MAP2K5: variants seen among roughly 807,000 people sequenced by gnomAD.
The protein encoded by MAP2K5 is mitogen-activated protein kinase kinase 5.
In MAP2K5, 49 loss-of-function variants were observed where a neutral mutation model predicts 83.1. The observed-to-expected ratio is 0.59, with a 90% CI of 0.47 to 0.75. The LOEUF is 0.75. Ranked by LOEUF, MAP2K5 falls within the 30% of genes least tolerant of loss-of-function variation. The pLI is 0.00. For synonymous variants in MAP2K5, 202 were observed against 191.8 expected, an observed-to-expected ratio of 1.05 and a Z score of -0.44; for missense variants, 457 against 557.5, an observed-to-expected ratio of 0.82 and a Z score of 1.82.
rs894737917 is a variant in MAP2K5 at position 67,644,382 on chromosome 15, G to A, written c.586-1849G>A. ...ACACTCCAGCCTGGGTGACAGGGCA[G>A]GACTCCATCTCTAAATAAATAAATA... On this transcript the variant is annotated intron_variant, in intron 9 of 21. Coordinates refer to ENST00000178640, the MANE Select transcript of MAP2K5 (RefSeq NM_145160.3). This position sits in a 1 kb window ranked among gnomAD's most constrained non-coding sequence, Gnocchi z 4.6. Among the ~76,000 whole-genome samples, 2 of 151,784 alleles carry A rather than the reference G, an allele frequency of 1.3e-5. No homozygotes were observed. Among genetic ancestry groups the A allele is most frequent in the African/African-American group, 4.8e-5 (2 of 41,296 alleles).
intron 4 of MAP2K5, among the ~76,000 whole-genome samples, chr15:67,581,744 G>A (rs1323912435): frequency 6.6e-6 from 1 of 152,182 alleles, no homozygotes; most frequent in East Asian, 1.9e-4. Flanking sequence ...CAATTAACCA[G>A]TAGGCTCCTA....
At chr15:67,709,146 TCCTGTGGA>T (rs1832169415) in intron 16 of MAP2K5, among the ~76,000 whole-genome samples, 1 of 152,216 alleles carries the variant, frequency 6.6e-6, no homozygotes, top group Admixed American at 6.5e-5. Context: ...GTAGTTCCCC[TCCTGTGGA>T]TTAGTTATGG....
At position 67,668,118 on chromosome 15, in the gene MAP2K5, C is replaced by T. The variant is rs1480774419; in HGVS notation, c.847+3473C>T. ...TCAGGTGTTACTATTGTTTATTTTG[C>T]TCTTTTTAAGATTTGGTTGAGATAT... On this transcript the variant is annotated intron_variant, in intron 13 of 21. Coordinates refer to ENST00000178640, the MANE Select transcript of MAP2K5 (RefSeq NM_145160.3). The surrounding 1 kb of genome is among the most constrained non-coding windows in gnomAD (Gnocchi z 4.0). Among the ~76,000 whole-genome samples the T allele has an allele frequency of 6.6e-6, 1 of 152,102 alleles. No individual in the cohort carries two copies. The highest frequency in any genetic ancestry group is 1.5e-5 in the Non-Finnish European group (1 of 68,022).
intron 13 of MAP2K5, among the ~76,000 whole-genome samples, chr15:67,691,991 T>G (rs1449531634): frequency 6.6e-6 from 1 of 152,218 alleles, no homozygotes; most frequent in Non-Finnish European, 1.5e-5. Context: ...CTCATCGGTT[T>G]CATTCAAATA....
Position 67,677,333 on chromosome 15 carries a change from G to T in MAP2K5, c.847+12688G>T, listed in dbSNP as rs1268491709. Reference sequence around the variant, plus strand: ...TCAATTTCCTCCTCTGTAAAATGGGGTTAATAATAGTACCTATCTCAAGGG... The same window carrying T: ...TCAATTTCCTCCTCTGTAAAATGGGTTTAATAATAGTACCTATCTCAAGGG... On this transcript the variant is annotated intron_variant, in intron 13 of 21. Coordinates refer to ENST00000178640, the MANE Select transcript of MAP2K5 (RefSeq NM_145160.3). This position sits in a 1 kb window ranked among gnomAD's most constrained non-coding sequence, Gnocchi z 4.2. Among the ~76,000 whole-genome samples the T allele has an allele frequency of 6.6e-6, 1 of 152,146 alleles. No individual in the cohort carries two copies. Among genetic ancestry groups the T allele is most frequent in the Non-Finnish European group, 1.5e-5 (1 of 68,028 alleles).
chr15:67,723,516 G>A (rs746031433), intron 16 of MAP2K5, among the ~76,000 whole-genome samples: 9 of 152,050 alleles, frequency 5.9e-5, no homozygotes, highest in African/African-American at 1.7e-4. Flanking sequence ...TAAACGTCCC[G>A]CAAGAGAGTC....
At chr15:67,575,921 T>TTCTTTTTTTCTTTC (rs1555527930) in intron 3 of MAP2K5, among the ~76,000 whole-genome samples, 1 of 91,396 alleles carries the variant, frequency 1.1e-5, no homozygotes, top group African/African-American at 4.4e-5. Flanking sequence ...TCTTTCTTTT[T>TTCTTTTTTTCTTTC]TTTTTTTTTT....
intron 8 of MAP2K5, chr15:67,629,122 G>A (rs1406493287): frequency 1.5e-5 from 11 of 731,262 alleles, no homozygotes; most frequent in Non-Finnish European, 2.5e-5. Context: ...TACGGCAGTG[G>A]CAGAAGATTT....
At chr15:67,776,307 A>G (rs2090237673) in intron 21 of MAP2K5, among the ~76,000 whole-genome samples, 1 of 151,774 alleles carries the variant, frequency 6.6e-6, no homozygotes, top group South Asian at 2.1e-4. Flanking sequence ...CCCAGGAAAG[A>G]CCTGTGTCAG....
chr15:67,554,294 A>G (rs1337571851), intron 2 of MAP2K5, among the ~76,000 whole-genome samples: 1 of 152,214 alleles, frequency 6.6e-6, no homozygotes, highest in Non-Finnish European at 1.5e-5. Flanking sequence ...CCTGGGCTCA[A>G]GCAATCCATG....
rs1596759199 is a variant in MAP2K5 at position 67,668,942 on chromosome 15, T to C, written c.847+4297T>C. ...AAAATACGTTTTTGCAGAAATTCTG[T>C]AGGAAAATGCTGGCCAGATAGATTT... On this transcript the variant is annotated intron_variant, in intron 13 of 21. Coordinates refer to ENST00000178640, the MANE Select transcript of MAP2K5 (RefSeq NM_145160.3). The surrounding 1 kb of genome is among the most constrained non-coding windows in gnomAD (Gnocchi z 4.0). Among the ~76,000 whole-genome samples the C allele has an allele frequency of 1.3e-5, 2 of 152,162 alleles. No homozygotes were observed. The highest frequency in any genetic ancestry group is 3.8e-4 in the East Asian group (2 of 5,198).
At chr15:67,588,018 C>T in intron 6 of MAP2K5, 1 of 846,868 alleles carries the variant, frequency 1.2e-6, no homozygotes, top group South Asian at 5.4e-5. Context: ...GCCCCTCCTC[C>T]ACCCTGCAGC....
chr15:67,606,392 G>A (rs1473799528), intron 8 of MAP2K5, among the ~76,000 whole-genome samples: 2 of 152,144 alleles, frequency 1.3e-5, no homozygotes, highest in Admixed American at 6.5e-5. Context: ...CTGGACTTGA[G>A]GTAGAATTTT....
At position 67,664,492 on chromosome 15, in the gene MAP2K5, C is replaced by T. The variant is rs1027190053; in HGVS notation, c.799-105C>T. On this transcript the variant is annotated intron_variant, in intron 12 of 21. Coordinates refer to ENST00000178640, the MANE Select transcript of MAP2K5 (RefSeq NM_145160.3). Reference sequence around the variant, plus strand: ...CACTTCAGCCTAGGTGACAGGGTGACACCCTGTCTCAAAAAAAAAAAAATG... The same window carrying T: ...CACTTCAGCCTAGGTGACAGGGTGATACCCTGTCTCAAAAAAAAAAAAATG... 56 of 673,564 alleles carry T rather than the reference C, an allele frequency of 8.3e-5. No individual in the cohort carries two copies. In the African/African-American group the frequency reaches 9.4e-4, roughly 11 times the overall value. 41.7% of individuals were successfully genotyped at this position (673,564 alleles called of 1,614,324 possible).
At chr15:67,672,980 G>T (rs1398883701) in intron 13 of MAP2K5, among the ~76,000 whole-genome samples, 1 of 152,002 alleles carries the variant, frequency 6.6e-6, no homozygotes, top group East Asian at 1.9e-4. Context: ...GTAGATATGC[G>T]GTGTTATTTC....
At position 67,585,442 on chromosome 15, in the gene MAP2K5, G is replaced by C. The variant is rs557406153; in HGVS notation, c.323-448G>C. ...TGCAAAGTAGTATTCAAACTAGAAT[G>C]TTCCATCGTAGAATCCCTAGCAATC... On this transcript the variant is annotated intron_variant, in intron 4 of 21. Coordinates refer to ENST00000178640, the MANE Select transcript of MAP2K5 (RefSeq NM_145160.3). Among the ~76,000 whole-genome samples the C allele has an allele frequency of 1.4e-4, 22 of 152,264 alleles. No individual in the cohort carries two copies. The East Asian group carries it at 2.5e-3, about 17-fold the overall frequency.
intron 8 of MAP2K5, chr15:67,628,061 C>T: frequency 1.4e-6 from 1 of 735,932 alleles, no homozygotes; most frequent in Non-Finnish European, 2.4e-6. Flanking sequence ...TGGATGCAGC[C>T]ATGAATGCAA....
Position 67,665,826 on chromosome 15 carries a change from ATAAG to A in MAP2K5, c.847+1183_847+1186del, listed in dbSNP as rs1416335512. ...TTAGTGTTACTTTCTCTGAGTATAAATAAGTGTGTAAACAAATTTGGTGGATGAA... is the reference window on the plus strand; with the variant it reads ...TTAGTGTTACTTTCTCTGAGTATAAATGTGTAAACAAATTTGGTGGATGAA... On this transcript the variant is annotated intron_variant, in intron 13 of 21. Coordinates refer to ENST00000178640, the MANE Select transcript of MAP2K5 (RefSeq NM_145160.3). The surrounding 1 kb of genome is among the most constrained non-coding windows in gnomAD (Gnocchi z 4.2). 2.0e-5 allele frequency among the ~76,000 whole-genome samples: 3 copies of A among 152,162 alleles called. No individual in the cohort carries two copies. The highest frequency in any genetic ancestry group is 7.2e-5 in the African/African-American group (3 of 41,432).
At chr15:67,688,599 A>G (rs2088017542) in intron 13 of MAP2K5, among the ~76,000 whole-genome samples, 1 of 152,238 alleles carries the variant, frequency 6.6e-6, no homozygotes, top group Non-Finnish European at 1.5e-5. Flanking sequence ...AATATAATGA[A>G]ATATACAACT....
Sources: allele counts gnomAD v4.1 joint callset (sites outside exome capture counted in the v4.1 genomes callset), GRCh38; gene constraint gnomAD v4.1.1; non-coding constraint Gnocchi (gnomAD v3.1); transcripts MANE v1.5; gene names NCBI Gene and HGNC (gene_info 2026-07-23, HGNC 2026-07-21).